The following DPF3 variants were observed in gnomAD, a reference collection of about 807,000 sequenced individuals.
The protein encoded by DPF3 is double PHD fingers 3.
DPF3 carries 18 observed loss-of-function variants against 56.8 expected under a neutral mutation model. The observed-to-expected ratio is 0.32, with a 90% CI of 0.22 to 0.47. The LOEUF (loss-of-function observed/expected upper bound fraction) is 0.47. DPF3 is among the 20% of genes least tolerant of loss of function. The pLI is 1.00. For synonymous variants in DPF3, 188 were observed against 180.2 expected (o/e 1.04, Z -0.35); for missense variants, 403 against 488.8 (o/e 0.82, Z 1.65).
intron 1 of DPF3, among the ~76,000 whole-genome samples, chr14:72,838,193 T>C (rs548142193): frequency 6.6e-6 from 1 of 152,304 alleles, no homozygotes; most frequent in Non-Finnish European, 1.5e-5. Context: ...ATTGATGCCA[T>C]TGTTAAAACA....
intron 3 of DPF3, among the ~76,000 whole-genome samples, chr14:72,734,367 T>C (rs868603624): frequency 6.6e-6 from 1 of 152,168 alleles, no homozygotes; most frequent in Non-Finnish European, 1.5e-5. Flanking sequence ...TCTGCTTTAA[T>C]GAGTTCATGG....
intron 1 of DPF3, among the ~76,000 whole-genome samples, chr14:72,803,714 G>C (rs1376924204): frequency 6.6e-6 from 1 of 152,224 alleles, no homozygotes; most frequent in Non-Finnish European, 1.5e-5. Context: ...ACTAGCCTCA[G>C]AGTGAGCATC....
chr14:72,819,284 T>C (rs539641564), intron 1 of DPF3, among the ~76,000 whole-genome samples: 22 of 152,250 alleles, frequency 1.4e-4, no homozygotes, highest in Non-Finnish European at 2.6e-4. Context: ...GAAAATAGTA[T>C]GGTAGCTGCT....
chr14:72,848,343 T>G (rs1425416915), intron 1 of DPF3, among the ~76,000 whole-genome samples: 1 of 152,090 alleles, frequency 6.6e-6, no homozygotes, highest in African/African-American at 2.4e-5. Flanking sequence ...TTTGTATTTT[T>G]AAGTAGAGAC....
rs1567273796 is a variant in DPF3, at chr14:72,893,005, A to AGGC, written c.32+1051_32+1052insGCC. Reference sequence around the variant, plus strand: ...GAAGGAAGGAAGGAAGGAAGGAAGGAAGGAAGGAAGGAAGGAAGGATGAAA... The same window carrying AGGC: ...GAAGGAAGGAAGGAAGGAAGGAAGGAGGCAGGAAGGAAGGAAGGAAGGATGAAA... On this transcript the variant is annotated intron_variant, in intron 1 of 10. Transcript: ENST00000556509. 2.6e-4 allele frequency among the ~76,000 whole-genome samples: 23 copies of AGGC among 88,410 alleles called. 1 individual carries two copies. The highest frequency in any genetic ancestry group is 4.0e-4 in the South Asian group (1 of 2,510). 58.0% of individuals were successfully genotyped at this position (88,410 alleles called of 152,430 possible). A position where few individuals can be genotyped will look rare whatever the true frequency, so the allele number is the denominator to read the frequency against.
At chr14:72,787,748 C>T (rs746772289) in intron 1 of DPF3, among the ~76,000 whole-genome samples, 7 of 152,120 alleles carry the variant, frequency 4.6e-5, no homozygotes, top group Non-Finnish European at 2.9e-5. Flanking sequence ...TGGCCCAAGG[C>T]ACGGACAGTA....
At chr14:72,748,009 A>G (rs1890397059) in intron 3 of DPF3, among the ~76,000 whole-genome samples, 1 of 152,238 alleles carries the variant, frequency 6.6e-6, no homozygotes, top group Non-Finnish European at 1.5e-5. Context: ...GTACCAGTAG[A>G]GTGGGGCATT....
intron 2 of DPF3, among the ~76,000 whole-genome samples, chr14:72,766,384 G>T (rs1280530988): frequency 6.6e-6 from 1 of 152,118 alleles, no homozygotes; most frequent in Non-Finnish European, 1.5e-5. Flanking sequence ...GAAACAACAG[G>T]GTGGGTGGTG....
chr14:72,721,780 T>C (rs1221899812), intron 5 of DPF3, among the ~76,000 whole-genome samples: 1 of 152,152 alleles, frequency 6.6e-6, no homozygotes, highest in Admixed American at 6.5e-5. Flanking sequence ...ACCTTGAATC[T>C]AAGCAAGTTT....
intron 3 of DPF3, among the ~76,000 whole-genome samples, chr14:72,751,689 A>C (rs961756211): frequency 6.6e-6 from 1 of 152,252 alleles, no homozygotes; most frequent in Admixed American, 6.5e-5. Context: ...TATCGATGAC[A>C]TGCTGAAATG....
chr14:72,770,284 C>T (rs181405067), intron 2 of DPF3, among the ~76,000 whole-genome samples: 3 of 152,286 alleles, frequency 2.0e-5, no homozygotes, highest in East Asian at 3.9e-4. Flanking sequence ...AACCCTACAG[C>T]GTAAGCAACC....
At chr14:72,881,770 G>A (rs1672468701) in intron 1 of DPF3, among the ~76,000 whole-genome samples, 1 of 152,144 alleles carries the variant, frequency 6.6e-6, no homozygotes, top group African/African-American at 2.4e-5. Context: ...TGCTGTGGAG[G>A]GCAGGCAAGG....
rs79084154 is a variant in DPF3, at chr14:72,812,413, G to A, written c.33-40520C>T. On this transcript the variant is annotated intron_variant, in intron 1 of 10. Coordinates refer to ENST00000556509, the MANE Select transcript of DPF3 (RefSeq NM_001280542.3). ...AGCTAAACCCGCTAATGTGCTAAGC[G>A]TTTTCTGGCAGGGCCAGGAGGCAGG... is the stretch of plus-strand genomic sequence containing the variant. Among the ~76,000 whole-genome samples the A allele has an allele frequency of 8.9e-4, 136 of 152,304 alleles. 1 individual carries two copies. In the East Asian group the frequency reaches 0.019, roughly 21 times the overall value.
intron 1 of DPF3, among the ~76,000 whole-genome samples, chr14:72,797,339 G>A (rs1016702042): frequency 2.6e-5 from 4 of 152,264 alleles, no homozygotes; most frequent in South Asian, 2.1e-4. Context: ...GCCGACCCAC[G>A]GAATAGTAAG....
chr14:72,808,781 A>G (rs914319598), intron 1 of DPF3, among the ~76,000 whole-genome samples: 3 of 152,216 alleles, frequency 2.0e-5, no homozygotes, highest in Admixed American at 6.5e-5. Context: ...CCAGGAAACC[A>G]GCCAAAGGTC....
At chr14:72,799,639 G>GTA (rs34130015) in intron 1 of DPF3, among the ~76,000 whole-genome samples, 26,003 of 149,980 alleles carry the variant, frequency 0.17, 2,370 homozygotes, top group Middle Eastern at 0.33. Context: ...GATCATATAT[G>GTA]TATATATATA....
chr14:72,869,314 C>A (rs1885801524), intron 1 of DPF3, among the ~76,000 whole-genome samples: 1 of 152,090 alleles, frequency 6.6e-6, no homozygotes, highest in South Asian at 2.1e-4. Context: ...CCAAGTGGAC[C>A]ATAAGCTTCA....
At chr14:72,656,107 A>G (rs1886055330) in intron 8 of DPF3, among the ~76,000 whole-genome samples, 1 of 152,146 alleles carries the variant, frequency 6.6e-6, no homozygotes, top group Admixed American at 6.5e-5. Context: ...AGTGACCCCT[A>G]ATTCTTTTCC....
chr14:72,713,133 G>A (rs1367119762), intron 6 of DPF3, among the ~76,000 whole-genome samples: 2 of 152,226 alleles, frequency 1.3e-5, no homozygotes, highest in Non-Finnish European at 2.9e-5. Context: ...GCACCTCCTG[G>A]TGCTGCCAAA....
Sources: gnomAD v4.1 joint callset for allele counts (sites outside exome capture counted in the v4.1 genomes callset) on GRCh38, gnomAD v4.1.1 for gene constraint, MANE v1.5 for transcripts, NCBI Gene and HGNC (gene_info 2026-07-23, HGNC 2026-07-21) for gene names.